Variants in DTNA observed in about 807,000 individuals in gnomAD.
The protein encoded by DTNA is dystrobrevin alpha, also known as dystrophin-related protein 3.
DTNA carries 43 observed loss-of-function variants against 100.7 expected under a neutral mutation model. The ratio of observed to expected loss-of-function variants is 0.43; its 90% confidence interval spans 0.33 to 0.55. The LOEUF (loss-of-function observed/expected upper bound fraction) is 0.55. DTNA is among the 20% of genes least tolerant of loss of function. The probability of loss-of-function intolerance (pLI) is 0.04; values close to 1 mark genes in which losing one functional copy is unlikely to be tolerated. For missense variants in DTNA, 798 were observed against 953.9 expected (o/e 0.84, Z 2.15); for synonymous variants, 349 against 347.9 (o/e 1.00, Z -0.04).
At chr18:34,785,787 T>C (rs2094487768) in intron 3 of DTNA, among the ~76,000 whole-genome samples, 1 of 146,960 alleles carries the variant, frequency 6.8e-6, no homozygotes, top group African/African-American at 2.5e-5. Context: ...TATCTCTATC[T>C]CCTCCCTCTC....
chr18:34,713,601 G>C (rs1238184014), intron 1 of DTNA, among the ~76,000 whole-genome samples: 1 of 151,566 alleles, frequency 6.6e-6, no homozygotes. Context: ...GCTTAGGATT[G>C]ACTTGGCGAT....
chr18:34,714,782 C>T (rs190305409), intron 1 of DTNA, among the ~76,000 whole-genome samples: 19 of 152,146 alleles, frequency 1.2e-4, no homozygotes, highest in African/African-American at 3.6e-4. Context: ...GCATTATTCA[C>T]GATAGCAAAG....
intron 1 of DTNA, among the ~76,000 whole-genome samples, chr18:34,586,257 G>A (rs577105601): frequency 6.6e-6 from 1 of 152,288 alleles, no homozygotes; most frequent in African/African-American, 2.4e-5. Context: ...TTGAGGCTTG[G>A]TTCCCAATGT....
At chr18:34,873,568 C>G (rs776357450) in intron 17 of DTNA, among the ~76,000 whole-genome samples, 1 of 152,232 alleles carries the variant, frequency 6.6e-6, no homozygotes. Context: ...AGCCCTGCCC[C>G]TCTGACTCCG....
chr18:34,677,075 A>G (rs549224270), intron 1 of DTNA, among the ~76,000 whole-genome samples: 1 of 152,264 alleles, frequency 6.6e-6, no homozygotes, highest in African/African-American at 2.4e-5. Flanking sequence ...CAAGAATGGT[A>G]GGGATGGATC....
At chr18:34,724,751 C>G (rs1419267806) in intron 1 of DTNA, among the ~76,000 whole-genome samples, 4 of 152,136 alleles carry the variant, frequency 2.6e-5, no homozygotes, top group African/African-American at 4.8e-5. Flanking sequence ...TTGGAGGTCA[C>G]ATTTCAGCAT....
chr18:34,712,258 C>T (rs111937071), intron 1 of DTNA, among the ~76,000 whole-genome samples: 3 of 151,962 alleles, frequency 2.0e-5, no homozygotes, highest in Admixed American at 2.0e-4. Context: ...CCCGCCGGTA[C>T]TGGAAAGGGT....
intron 1 of DTNA, among the ~76,000 whole-genome samples, chr18:34,515,502 T>A (rs1209514444): frequency 6.6e-6 from 1 of 152,126 alleles, no homozygotes; most frequent in Admixed American, 6.6e-5. Flanking sequence ...TACTATTCCA[T>A]AGTCATAGTT....
intron 1 of DTNA, among the ~76,000 whole-genome samples, chr18:34,504,807 T>C (rs1415107669): frequency 1.3e-5 from 2 of 152,208 alleles, no homozygotes; most frequent in African/African-American, 4.8e-5. Context: ...TGTCTTGACA[T>C]GGATATCCTT....
chr18:34,734,336 T>C (rs1325338260), intron 1 of DTNA, among the ~76,000 whole-genome samples: 1 of 152,116 alleles, frequency 6.6e-6, no homozygotes, highest in Non-Finnish European at 1.5e-5. Flanking sequence ...GGGAAAGCTC[T>C]TTCTTCTGGC....
chr18:34,713,722 G>A (rs1056208549), intron 1 of DTNA, among the ~76,000 whole-genome samples: 3 of 151,962 alleles, frequency 2.0e-5, no homozygotes, highest in African/African-American at 7.3e-5. Context: ...ATTACCTTGG[G>A]CAGTATGGCC....
rs188170797 is a variant in DTNA at position 34,747,207 on chromosome 18, A to G, written c.-1-8769A>G. On this transcript the variant is annotated intron_variant, in intron 1 of 22. Coordinates refer to ENST00000444659, the MANE Select transcript of DTNA (RefSeq NM_001386795.1). Reference sequence around the variant, plus strand: ...AATTTTAAGGTGGGTCTTAAGTTATAGAAACATACTGCAAAGCAGCATAAG... The same window carrying G: ...AATTTTAAGGTGGGTCTTAAGTTATGGAAACATACTGCAAAGCAGCATAAG... Among the ~76,000 whole-genome samples, 5 of 152,216 alleles carry G rather than the reference A, an allele frequency of 3.3e-5. No individual in the cohort carries two copies. The East Asian group carries it at 9.6e-4, about 29-fold the overall frequency.
chr18:34,507,197 C>G (rs1217418733), intron 1 of DTNA, among the ~76,000 whole-genome samples: 1 of 152,118 alleles, frequency 6.6e-6, no homozygotes, highest in East Asian at 1.9e-4. Flanking sequence ...TTGGAGATTT[C>G]CCCCACTCTC....
At chr18:34,866,274 A>G in intron 17 of DTNA, 1 of 1,561,138 alleles carries the variant, frequency 6.4e-7, no homozygotes, top group Non-Finnish European at 8.7e-7. Flanking sequence ...CTTCTTTTTC[A>G]ATGTAGTGCT....
At chr18:34,851,649 C>T (rs759378272) in intron 14 of DTNA, among the ~76,000 whole-genome samples, 182 bp from the exon 15 acceptor site, 1 of 152,178 alleles carries the variant, frequency 6.6e-6, no homozygotes, top group Non-Finnish European at 1.5e-5. Context: ...CAGATGTGCT[C>T]CAGATCCACA....
At chr18:34,885,179 A>G (rs1440858562) in intron 22 of DTNA, among the ~76,000 whole-genome samples, 1 of 152,218 alleles carries the variant, frequency 6.6e-6, no homozygotes, top group African/African-American at 2.4e-5. Context: ...CTTGTTAGTC[A>G]TACTATACCT....
At chr18:34,815,829 C>T in intron 6 of DTNA, 80 bp from the exon 7 acceptor site, 1 of 1,249,142 alleles carries the variant, frequency 8.0e-7, no homozygotes, top group East Asian at 2.3e-5. Flanking sequence ...TTGTTTCAGT[C>T]TCAAATGATA....
At chr18:34,754,223 C>T (rs2092613437) in intron 1 of DTNA, among the ~76,000 whole-genome samples, 1 of 152,086 alleles carries the variant, frequency 6.6e-6, no homozygotes, top group East Asian at 1.9e-4. Context: ...ATCACTTTTA[C>T]CACCAATTTT....
chr18:34,516,042 A>T (rs144572575), intron 1 of DTNA, among the ~76,000 whole-genome samples: 1 of 152,216 alleles, frequency 6.6e-6, no homozygotes, highest in Non-Finnish European at 1.5e-5. Flanking sequence ...TGAAATTTTA[A>T]CTAATACAGT....
Sources: allele counts gnomAD v4.1 joint callset (sites outside exome capture counted in the v4.1 genomes callset), GRCh38; gene constraint gnomAD v4.1.1; transcripts MANE v1.5; gene names NCBI Gene and HGNC (gene_info 2026-07-23, HGNC 2026-07-21).